Variants in FNDC3A observed in about 807,000 individuals in gnomAD.
FNDC3A encodes fibronectin type III domain containing 3A.
A neutral mutation model predicts 148.9 loss-of-function variants in FNDC3A; 32 were observed. The ratio of observed to expected loss-of-function variants is 0.21; its 90% CI spans 0.16 to 0.29. FNDC3A has a LOEUF of 0.29. Ranked by LOEUF, FNDC3A falls within the 10% of genes least tolerant of loss-of-function variation. FNDC3A has a pLI of 1.00. For synonymous variants in FNDC3A, 472 were observed against 473.6 expected, an observed-to-expected ratio of 1.00 and a Z score of 0.04; for missense variants, 1,191 against 1,452.8, an observed-to-expected ratio of 0.82 and a Z score of 2.93.
intron 8 of FNDC3A, among the ~76,000 whole-genome samples, chr13:49,160,508 T>G (rs1204728513): frequency 6.6e-6 from 1 of 151,548 alleles, no homozygotes; most frequent in Non-Finnish European, 1.5e-5. Context: ...TTCTTCTCTC[T>G]TTTCTTCTTT....
chr13:49,174,343 T>C, intron 11 of FNDC3A, 92 bp from the exon 12 acceptor site: 1 of 1,013,910 alleles, frequency 9.9e-7, no homozygotes, highest in East Asian at 2.4e-5. Context: ...TAGTATACAC[T>C]TGCTAATATG....
At chr13:49,067,524 C>A (rs1877344413) in intron 2 of FNDC3A, among the ~76,000 whole-genome samples, 1 of 152,068 alleles carries the variant, frequency 6.6e-6, no homozygotes, top group Non-Finnish European at 1.5e-5. Context: ...TTTTATTAAC[C>A]CATTTATGCC....
intron 9 of FNDC3A, 38 bp downstream of exon 9, chr13:49,167,341 C>CAT: frequency 8.9e-7 from 1 of 1,123,646 alleles, no homozygotes; most frequent in Non-Finnish European, 1.3e-6. Flanking sequence ...TAAGATACAG[C>CAT]ATAAGGGGTT....
At chr13:49,193,903 A>G (rs1886019263) in intron 19 of FNDC3A, among the ~76,000 whole-genome samples, 1 of 147,252 alleles carries the variant, frequency 6.8e-6, no homozygotes, top group Admixed American at 6.7e-5. Flanking sequence ...TGGGCGACAG[A>G]GTGAGACTCT....
At chr13:49,101,781 TATACCTGCTTTAG>T (rs1301337887) in intron 3 of FNDC3A, among the ~76,000 whole-genome samples, 48 of 151,278 alleles carry the variant, frequency 3.2e-4, no homozygotes, top group Non-Finnish European at 6.5e-4. Flanking sequence ...CATCTTGGAC[TATACCTGCTTTAG>T]TTTTTTTTTT....
At chr13:49,132,805 G>A (rs1229440837) in intron 5 of FNDC3A, among the ~76,000 whole-genome samples, 1 of 152,164 alleles carries the variant, frequency 6.6e-6, no homozygotes, top group Non-Finnish European at 1.5e-5. Context: ...TCAGTTTTCA[G>A]AGAGACCTTC....
At chr13:49,070,902 T>TTTTTTTTTTTTTTTG (rs1566230837) in intron 2 of FNDC3A, among the ~76,000 whole-genome samples, 1 of 146,258 alleles carries the variant, frequency 6.8e-6, no homozygotes. Flanking sequence ...TTGTTTTGTT[T>TTTTTTTTTTTTTTTG]TTTTTCTTTT....
intron 2 of FNDC3A, among the ~76,000 whole-genome samples, chr13:49,007,493 T>G (rs980303025): frequency 3.9e-5 from 6 of 152,136 alleles, no homozygotes; most frequent in African/African-American, 1.4e-4. Context: ...ATTTGTTGCC[T>G]CAGGCCAGTC....
rs562755625 is a variant in FNDC3A, at chr13:49,076,032, T to C, written c.175+668T>C. On this transcript the variant is annotated intron_variant, in intron 3 of 25. Coordinates refer to ENST00000492622, the MANE Select transcript of FNDC3A (RefSeq NM_001079673.2). Reference sequence around the variant, plus strand: ...CCTACTAGCCACTCACCCTCACTTATTCATTTATGACAAACAGAAAAGTCT... The same window carrying C: ...CCTACTAGCCACTCACCCTCACTTACTCATTTATGACAAACAGAAAAGTCT... Among the ~76,000 whole-genome samples, 21 of 152,192 alleles carry C rather than the reference T, an allele frequency of 1.4e-4. No homozygotes were observed. The East Asian group carries it at 1.6e-3, about 11-fold the overall frequency.
chr13:49,207,044 T>C, intron 25 of FNDC3A, 37 bp from the exon 26 acceptor site: 1 of 1,486,904 alleles, frequency 6.7e-7, no homozygotes, highest in Non-Finnish European at 9.3e-7. Context: ...TGTCCAGCCT[T>C]CACACGTAAT....
intron 2 of FNDC3A, among the ~76,000 whole-genome samples, chr13:49,061,370 T>C (rs1283512559): frequency 5.2e-4 from 8 of 15,416 alleles, no homozygotes; most frequent in Admixed American, 1.9e-3. Flanking sequence ...TTCCCTTCCC[T>C]TCCCTTCCCT....
chr13:49,197,018 T>C, intron 20 of FNDC3A, 28 bp downstream of exon 20: 1 of 1,317,780 alleles, frequency 7.6e-7, no homozygotes. Context: ...GACTTGTATC[T>C]ACTTTCTTAA....
At chr13:48,998,073 G>A (rs915069714) in intron 1 of FNDC3A, among the ~76,000 whole-genome samples, 3 of 152,120 alleles carry the variant, frequency 2.0e-5, no homozygotes, top group Admixed American at 6.6e-5. Context: ...CCATTCTGAT[G>A]AGGTCTCAGA....
Position 49,142,540 on chromosome 13 carries a change from A to AT in FNDC3A, c.820-3238_820-3237insT, listed in dbSNP as rs1882750173. On this transcript the variant is annotated intron_variant, in intron 7 of 25. Transcript: ENST00000492622. ...ACAATTACTACCTCAGTCTTCACAC[A>AT]GGAATTTTGTGGTATCTATGTGGGA... 2.0e-5 allele frequency among the ~76,000 whole-genome samples: 3 copies of AT among 152,312 alleles called. No individual in the cohort carries two copies. In the East Asian group the frequency reaches 5.8e-4, roughly 29 times the overall value.
chr13:49,019,410 C>T (rs934215423), intron 2 of FNDC3A, among the ~76,000 whole-genome samples: 2 of 152,228 alleles, frequency 1.3e-5, no homozygotes, highest in South Asian at 2.1e-4. Flanking sequence ...AAAGGGAACT[C>T]CCTGACCCCT....
chr13:49,190,991 T>C, intron 17 of FNDC3A, 24 bp from the exon 18 acceptor site: 1 of 1,566,654 alleles, frequency 6.4e-7, no homozygotes, highest in Non-Finnish European at 8.7e-7. Flanking sequence ...CATTTTTGTT[T>C]TCTTTTTGCT....
At chr13:48,997,465 G>T in intron 1 of FNDC3A, among the ~76,000 whole-genome samples, 1 of 152,186 alleles carries the variant, frequency 6.6e-6, no homozygotes, top group East Asian at 1.9e-4. Flanking sequence ...CATACATTGA[G>T]CCCTAACCAC....
At chr13:49,202,417 CAT>C (rs1886459998) in intron 24 of FNDC3A, among the ~76,000 whole-genome samples, 1 of 152,194 alleles carries the variant, frequency 6.6e-6, no homozygotes, top group African/African-American at 2.4e-5. Context: ...CACATGTACA[CAT>C]ATTTACACAC....
chr13:49,131,344 T>A lies in FNDC3A; in HGVS notation c.460T>A (p.Tyr154Asn), dbSNP rs1171045119. 6.2e-7 allele frequency: 1 copy of A among 1,613,542 alleles called. No homozygotes were observed. The highest frequency in any genetic ancestry group is 8.5e-7 in the Non-Finnish European group (1 of 1,179,478). ...CATGACAACACAGTATATGCCACAG[T>A]ATCAGTCTTCACAAGTCTATGGAGA... Reference protein sequence around the residue: ...GDMTTQYMPQYQSSQVYGDVD... With the variant: ...GDMTTQYMPQNQSSQVYGDVD... The change falls in exon 5 of 26, where the codon TAT (tyrosine) becomes AAT (asparagine). Residue 154 changes from tyrosine to asparagine, a missense_variant. Coordinates refer to ENST00000492622, the MANE Select transcript of FNDC3A (RefSeq NM_001079673.2).
Sources: gnomAD v4.1 joint callset for allele counts (sites outside exome capture counted in the v4.1 genomes callset) on GRCh38, gnomAD v4.1.1 for gene constraint, MANE v1.5 for transcripts, NCBI Gene and HGNC (gene_info 2026-07-23, HGNC 2026-07-21) for gene names.